Variants in CNTLN observed in about 807,000 individuals in gnomAD.
CNTLN encodes the protein centlein, also known as centlein, centrosomal protein.
In CNTLN, 212 loss-of-function variants were observed where a neutral mutation model predicts 180.0. The ratio of observed to expected loss-of-function variants is 1.18; its 90% CI spans 1.05 to 1.32. The LOEUF (loss-of-function observed/expected upper bound fraction) is 1.32, where lower values mean the gene tolerates loss of function less well. CNTLN is among the 40% of genes most tolerant of loss of function. CNTLN has a pLI of 0.00. For missense variants in CNTLN, 2,095 were observed against 1,610.9 expected, an observed-to-expected ratio of 1.30 and a Z score of -5.14; for synonymous variants, 722 against 563.1, an observed-to-expected ratio of 1.28 and a Z score of -3.99.
chr9:17,514,099 G>T, the CNTLN span, among the ~76,000 whole-genome samples: 2 of 151,650 alleles, frequency 1.3e-5, no homozygotes, highest in Admixed American at 1.3e-4. Flanking sequence ...CTTGAGCCCA[G>T]GAGTTTGAGA....
chr9:17,209,208 A>G (rs1042932488), intron 2 of CNTLN, among the ~76,000 whole-genome samples: 1 of 151,992 alleles, frequency 6.6e-6, no homozygotes, highest in South Asian at 2.1e-4. Flanking sequence ...TTTAATTTTC[A>G]TGTGTTTTTA....
intron 25 of CNTLN, among the ~76,000 whole-genome samples, chr9:17,500,988 T>A (rs1057307021): frequency 6.6e-6 from 1 of 152,182 alleles, no homozygotes; most frequent in Non-Finnish European, 1.5e-5. Context: ...TTATCCTCCA[T>A]AAGAGAACTG....
intron 18 of CNTLN, among the ~76,000 whole-genome samples, chr9:17,421,190 A>G (rs1446509105): frequency 6.6e-6 from 1 of 152,106 alleles, no homozygotes; most frequent in African/African-American, 2.4e-5. Context: ...GTATTGTCAT[A>G]TTGAAGTCTG....
At chr9:17,275,479 T>C (rs1006187355) in intron 6 of CNTLN, among the ~76,000 whole-genome samples, 9 of 151,836 alleles carry the variant, frequency 5.9e-5, no homozygotes, top group African/African-American at 1.9e-4. Context: ...ACAGATGTTA[T>C]CATGTTTTGG....
chr9:17,294,933 G>A (rs1303742490), intron 6 of CNTLN, among the ~76,000 whole-genome samples: 1 of 139,322 alleles, frequency 7.2e-6, no homozygotes, highest in African/African-American at 2.6e-5. Context: ...GGGGAGGGCG[G>A]GGGAGGCTCA....
rs371499380 is a variant in CNTLN at position 17,330,728 on chromosome 9, G to A, written c.1438G>A (p.Glu480Lys). The A allele has an allele frequency of 8.4e-5, 135 of 1,612,032 alleles. No individual in the cohort carries two copies. Among genetic ancestry groups the A allele is most frequent in the Non-Finnish European group, 1.1e-4 (130 of 1,178,836 alleles). ...YLQEKLKIAN[E>K]KLSENISANK... ...ACAGGAGAAACTAAAGATAGCAAATGAAAAACTGTCAGAAAACATATCTGC... is the reference window on the plus strand; with the variant it reads ...ACAGGAGAAACTAAAGATAGCAAATAAAAAACTGTCAGAAAACATATCTGC... The change falls in exon 9 of 26, where the codon GAA becomes AAA. Residue 480 changes from glutamate (E) to lysine (K), a missense_variant. By Grantham distance (56) the Glu-to-Lys change is moderately conservative. Transcript: ENST00000380647.
chr9:17,463,659 G>A (rs1831581349), intron 20 of CNTLN, among the ~76,000 whole-genome samples: 1 of 151,506 alleles, frequency 6.6e-6, no homozygotes, highest in South Asian at 2.1e-4. Context: ...ATAGATAAAA[G>A]CATTAGACAA....
rs1355419799 is a variant in CNTLN, at chr9:17,289,952, G to T, written c.984-8238G>T. 2.7e-5 allele frequency among the ~76,000 whole-genome samples: 4 copies of T among 150,608 alleles called. No individual in the cohort carries two copies. The East Asian group carries it at 5.9e-4, about 22-fold the overall frequency. On this transcript the variant is annotated intron_variant, in intron 6 of 25. Transcript: ENST00000380647. ...TTTTCAACTTCTTTGCCTTTGGTTT[G>T]AATGTCCTCCCGTAGCTCAGAGTAA...
intron 23 of CNTLN, among the ~76,000 whole-genome samples, chr9:17,483,202 A>G (rs1588090553): frequency 6.6e-6 from 1 of 152,164 alleles, no homozygotes; most frequent in Admixed American, 6.5e-5. Flanking sequence ...CAAAGAAAAT[A>G]TAATTATTTC....
chr9:17,210,318 GT>G (rs762484465), intron 2 of CNTLN, among the ~76,000 whole-genome samples: 1 of 152,124 alleles, frequency 6.6e-6, no homozygotes, highest in African/African-American at 2.4e-5. Flanking sequence ...GCGGTGTTTG[GT>G]TTTTTGTCCT....
At chr9:17,149,678 T>G (rs965457800) in intron 2 of CNTLN, among the ~76,000 whole-genome samples, 1 of 151,782 alleles carries the variant, frequency 6.6e-6, no homozygotes, top group Non-Finnish European at 1.5e-5. Context: ...CCACCATGCC[T>G]GGCTAATTTT....
chr9:17,342,477 TA>T, intron 12 of CNTLN, 33 bp downstream of exon 12: 1 of 1,562,720 alleles, frequency 6.4e-7, no homozygotes, highest in East Asian at 2.3e-5. Flanking sequence ...TGGACTTAGA[TA>T]AAATACTTGG....
chr9:17,338,219 CA>C (rs1437281732), intron 10 of CNTLN, among the ~76,000 whole-genome samples: 1 of 150,442 alleles, frequency 6.6e-6, no homozygotes, highest in East Asian at 1.9e-4. Flanking sequence ...TAGTACAGTG[CA>C]GTGGCGCCAT....
intron 2 of CNTLN, among the ~76,000 whole-genome samples, chr9:17,210,096 G>C (rs918742394): frequency 6.6e-6 from 1 of 151,868 alleles, no homozygotes; most frequent in African/African-American, 2.4e-5. Flanking sequence ...TAAGTTCTGG[G>C]GTACATGTGC....
chr9:17,249,195 A>G (rs1460674658), intron 5 of CNTLN, among the ~76,000 whole-genome samples: 1 of 152,086 alleles, frequency 6.6e-6, no homozygotes, highest in Admixed American at 6.6e-5. Flanking sequence ...ATCTTTTTAA[A>G]ATGTAGGTTC....
chr9:17,135,082 C>CT lies in CNTLN; in HGVS notation c.18dup (p.Pro7SerfsTer24). ...GCCGCAGCCATGGCGGCGCGTTCGC[C>CT]TCCCTCACCGCACCCTTCGCCCCCA... On this transcript the variant is annotated frameshift_variant, in exon 1 of 26. Coordinates refer to ENST00000380647, the MANE Select transcript of CNTLN (RefSeq NM_017738.4). LOFTEE classifies it high-confidence loss of function. The CT allele has an allele frequency of 6.2e-7, 1 of 1,600,312 alleles. No homozygotes were observed.
Position 17,332,515 on chromosome 9 carries a change from G to A in CNTLN, c.1519-90G>A, listed in dbSNP as rs1018871894. The A allele has an allele frequency of 9.5e-6, 11 of 1,158,994 alleles. No individual in the cohort carries two copies. In the Admixed American group the frequency reaches 2.7e-4, roughly 28 times the overall value. 71.8% of individuals were successfully genotyped at this position (1,158,994 alleles called of 1,614,324 possible). ...TTTTTTTTTTTATAATTCATTATTAGTATTCAAAATTACTTGTTCTTTAAT... is the reference window on the plus strand; with the variant it reads ...TTTTTTTTTTTATAATTCATTATTAATATTCAAAATTACTTGTTCTTTAAT... On this transcript the variant is annotated intron_variant, in intron 9 of 25. Transcript: ENST00000380647.
chr9:17,160,357 G>A (rs1419468393), intron 2 of CNTLN, among the ~76,000 whole-genome samples: 3 of 151,996 alleles, frequency 2.0e-5, no homozygotes, highest in Non-Finnish European at 4.4e-5. Flanking sequence ...ACTATATTAT[G>A]TAAAGAACTT....
At chr9:17,166,288 A>G (rs1235423027) in intron 2 of CNTLN, among the ~76,000 whole-genome samples, 1 of 152,214 alleles carries the variant, frequency 6.6e-6, no homozygotes, top group Non-Finnish European at 1.5e-5. Flanking sequence ...TAGAGGGGCT[A>G]GAAGACGAGG....
Sources: gnomAD v4.1 joint callset for allele counts (sites outside exome capture counted in the v4.1 genomes callset) on GRCh38, gnomAD v4.1.1 for gene constraint, MANE v1.5 for transcripts, NCBI Gene and HGNC (gene_info 2026-07-23, HGNC 2026-07-21) for gene names.